Variants in CSMD3 observed in about 807,000 individuals in gnomAD.
The protein encoded by CSMD3 is CUB and Sushi multiple domains 3.
A neutral mutation model predicts 435.2 loss-of-function variants in CSMD3; 177 were observed. The ratio of observed to expected loss-of-function variants is 0.41; its 90% confidence interval spans 0.36 to 0.46. CSMD3 has a LOEUF of 0.46. CSMD3 is among the 20% of genes least tolerant of loss of function. The pLI is 0.34. For synonymous variants in CSMD3, 1,656 were observed against 1,520.5 expected (o/e 1.09, Z -2.07); for missense variants, 4,265 against 4,504.6 (o/e 0.95, Z 1.52).
intron 5 of CSMD3, among the ~76,000 whole-genome samples, chr8:113,031,392 A>G (rs531944909): frequency 6.6e-6 from 1 of 151,672 alleles, no homozygotes. Flanking sequence ...GAACATTAAG[A>G]GCAAAGGAAA....
At chr8:113,355,154 TA>T (rs1373275922) in intron 1 of CSMD3, among the ~76,000 whole-genome samples, 1 of 152,212 alleles carries the variant, frequency 6.6e-6, no homozygotes, top group Non-Finnish European at 1.5e-5. Flanking sequence ...GTTTTAAGTG[TA>T]TGTGTAACAT....
At chr8:113,376,958 A>G in intron 1 of CSMD3, 1 of 1,477,618 alleles carries the variant, frequency 6.8e-7, no homozygotes, top group Non-Finnish European at 9.1e-7. Context: ...GAGGTGCCCA[A>G]ACTAAAGGTG....
intron 12 of CSMD3, among the ~76,000 whole-genome samples, chr8:112,810,738 A>G (rs985546959): frequency 6.6e-6 from 1 of 152,126 alleles, no homozygotes; most frequent in South Asian, 2.1e-4. Flanking sequence ...AGATTATCTT[A>G]TAAATGTAAT....
chr8:112,425,397 C>CT (rs1346494027), intron 32 of CSMD3, among the ~76,000 whole-genome samples: 1 of 152,078 alleles, frequency 6.6e-6, no homozygotes, highest in Non-Finnish European at 1.5e-5. Flanking sequence ...GAGAAGGAGT[C>CT]TTAAGAACAA....
intron 25 of CSMD3, among the ~76,000 whole-genome samples, chr8:112,553,896 T>C (rs1827896082): frequency 6.6e-6 from 1 of 151,996 alleles, no homozygotes; most frequent in Admixed American, 6.6e-5. Context: ...ATGTGTCAAC[T>C]TGGCTGGGCT....
chr8:113,385,625 T>C (rs1472761177), intron 1 of CSMD3, among the ~76,000 whole-genome samples: 1 of 152,238 alleles, frequency 6.6e-6, no homozygotes, highest in East Asian at 1.9e-4. Flanking sequence ...AATATAAGTC[T>C]GCACCCCAGG....
At chr8:112,663,191 G>A (rs933693458) in intron 17 of CSMD3, among the ~76,000 whole-genome samples, 2 of 152,082 alleles carry the variant, frequency 1.3e-5, no homozygotes, top group Admixed American at 1.3e-4. Context: ...GCACATGTAT[G>A]TTTACTGCAG....
intron 30 of CSMD3, among the ~76,000 whole-genome samples, chr8:112,494,354 C>T (rs1187403899): frequency 1.3e-5 from 2 of 151,020 alleles, no homozygotes; most frequent in African/African-American, 2.4e-5. Flanking sequence ...TTCGTTCTTT[C>T]TTTCTACAAA....
intron 13 of CSMD3, among the ~76,000 whole-genome samples, chr8:112,734,209 G>A (rs186419279): frequency 2.1e-4 from 31 of 151,140 alleles, no homozygotes; most frequent in East Asian, 1.4e-3. Flanking sequence ...TATATACATC[G>A]GTGCCAACAG....
intron 4 of CSMD3, among the ~76,000 whole-genome samples, chr8:113,113,856 A>G (rs2090741326): frequency 6.6e-6 from 1 of 152,234 alleles, no homozygotes. Flanking sequence ...GATAATTTCT[A>G]CCCAAACTAG....
At chr8:112,882,306 A>T (rs1316659365) in intron 10 of CSMD3, among the ~76,000 whole-genome samples, 1 of 152,010 alleles carries the variant, frequency 6.6e-6, no homozygotes, top group Non-Finnish European at 1.5e-5. Flanking sequence ...CTGACAATGT[A>T]AATTAACAGC....
intron 2 of CSMD3, among the ~76,000 whole-genome samples, chr8:113,294,365 T>C (rs1427604805): frequency 6.6e-6 from 1 of 152,090 alleles, no homozygotes. Context: ...TTATCTCCCA[T>C]AACATATATG....
chr8:112,714,379 T>C (rs929372546), intron 13 of CSMD3, among the ~76,000 whole-genome samples: 1 of 152,164 alleles, frequency 6.6e-6, no homozygotes, highest in South Asian at 2.1e-4. Context: ...GAGCTAACTA[T>C]TCTAGATATA....
intron 4 of CSMD3, among the ~76,000 whole-genome samples, chr8:113,133,822 T>C (rs2091347247): frequency 6.6e-6 from 1 of 152,068 alleles, no homozygotes; most frequent in Non-Finnish European, 1.5e-5. Flanking sequence ...TGTATGATTC[T>C]CCTTACATGA....
At chr8:113,194,728 A>G (rs1431484160) in intron 3 of CSMD3, among the ~76,000 whole-genome samples, 1 of 151,240 alleles carries the variant, frequency 6.6e-6, no homozygotes, top group African/African-American at 2.4e-5. Flanking sequence ...AGTTTTTTAA[A>G]TTTTTCGAAA....
Position 112,341,544 on chromosome 8 carries a change from A to C in CSMD3, c.6585T>G (p.His2195Gln). Residue 2195 changes from histidine (H) to glutamine (Q), a missense_variant, in exon 42 of 71, where the codon CAT becomes CAG. Physicochemically the swap from His to Gln is conservative, Grantham distance 24. Around this residue, in one of 3 missense-constraint regions of CSMD3, gnomAD observed 3,255 missense variants for 3,380.2 expected, o/e 0.96. Transcript: ENST00000297405. The stretch of plus-strand genomic sequence containing the variant: ...CACTGTGAAAATATAAGCTGGTTTC[A>C]TGGGTGGTGCTGAATAAGGAAGATG... ...QIPSSLFSTTHETSLYFHSDY... is the reference protein window; with the variant it reads ...QIPSSLFSTTQETSLYFHSDY... 6.2e-7 allele frequency: 1 copy of C among 1,613,498 alleles called. No homozygotes were observed. Among genetic ancestry groups the C allele is most frequent in the Non-Finnish European group, 8.5e-7 (1 of 1,179,544 alleles).
chr8:112,938,989 C>T lies in CSMD3; in HGVS notation c.1508+8801G>A, dbSNP rs191934097. 3.7e-4 allele frequency among the ~76,000 whole-genome samples: 56 copies of T among 152,072 alleles called. No homozygotes were observed. The East Asian group carries it at 0.01, about 28-fold the overall frequency. ...TTTAAAAAATAATGGTGTGAAAGTG[C>T]TTTTGAGTTAAAATATGATATATGT... is the stretch of plus-strand genomic sequence containing the variant. On this transcript the variant is annotated intron_variant, in intron 9 of 70. Transcript: ENST00000297405.
chr8:112,372,103 T>TAC (rs1232575295), intron 38 of CSMD3, among the ~76,000 whole-genome samples: 2 of 151,600 alleles, frequency 1.3e-5, no homozygotes, highest in East Asian at 1.9e-4. Flanking sequence ...AAATAATCCA[T>TAC]ACACACACAC....
intron 13 of CSMD3, among the ~76,000 whole-genome samples, chr8:112,769,678 T>A (rs1270364598): frequency 6.6e-6 from 1 of 152,016 alleles, no homozygotes; most frequent in Admixed American, 6.6e-5. Flanking sequence ...AGAAATATTT[T>A]ATTTAATTAG....
Sources: allele counts gnomAD v4.1 joint callset (sites outside exome capture counted in the v4.1 genomes callset), GRCh38; gene constraint gnomAD v4.1.1; regional missense constraint gnomAD v4.1.1; transcripts MANE v1.5; gene names NCBI Gene and HGNC (gene_info 2026-07-23, HGNC 2026-07-21).